ZYG11B: variants seen among roughly 807,000 people sequenced by gnomAD.
ZYG11B encodes zyg-11 family member B, cell cycle regulator.
ZYG11B carries 36 observed loss-of-function variants against 82.4 expected under a neutral mutation model. The ratio of observed to expected loss-of-function variants is 0.44; its 90% CI spans 0.33 to 0.58. ZYG11B has a LOEUF of 0.58. ZYG11B is among the 20% of genes least tolerant of loss of function. The pLI is 0.02. For synonymous variants in ZYG11B, 303 were observed against 312.8 expected (o/e 0.97, Z 0.33); for missense variants, 552 against 895.6 (o/e 0.62, Z 4.90).
chr1:52,813,964 T>A, intron 12 of ZYG11B, 52 bp downstream of exon 12: 1 of 1,556,262 alleles, frequency 6.4e-7, no homozygotes, highest in Non-Finnish European at 8.8e-7. Context: ...TAGAGATCAT[T>A]CCTAAGAGTC....
At chr1:52,765,843 C>A (rs1241160885) in intron 2 of ZYG11B, among the ~76,000 whole-genome samples, 1 of 152,104 alleles carries the variant, frequency 6.6e-6, no homozygotes, top group Non-Finnish European at 1.5e-5. Flanking sequence ...CTGTCTTTCT[C>A]CTGTCCTTGA....
In ZYG11B at chr1:52,796,407, C is replaced by T; in HGVS notation, c.1434+16C>T. Reference sequence around the variant, plus strand: ...GGCTGCCAAGGTACCTGAACTCTTGCTGAATAATTTTCTGTAGACAGCTGT... The same window carrying T: ...GGCTGCCAAGGTACCTGAACTCTTGTTGAATAATTTTCTGTAGACAGCTGT... On this transcript the variant is annotated intron_variant, in intron 7 of 13. Coordinates refer to ENST00000294353, the MANE Select transcript of ZYG11B (RefSeq NM_024646.3). 2.5e-6 allele frequency: 4 copies of T among 1,599,504 alleles called. No homozygotes were observed. The highest frequency in any genetic ancestry group is 3.4e-6 in the Non-Finnish European group (4 of 1,167,658).
intron 10 of ZYG11B, among the ~76,000 whole-genome samples, chr1:52,807,837 T>G (rs1039556587): frequency 9.2e-5 from 14 of 152,146 alleles, no homozygotes; most frequent in Non-Finnish European, 4.4e-5. Context: ...TTTCTTACAG[T>G]GTGGATCTGC....
At chr1:52,805,776 C>G (rs1645137144) in intron 10 of ZYG11B, among the ~76,000 whole-genome samples, 1 of 152,072 alleles carries the variant, frequency 6.6e-6, no homozygotes, top group African/African-American at 2.4e-5. Flanking sequence ...CTGCAGTGAA[C>G]CAAGATCACG....
intron 1 of ZYG11B, among the ~76,000 whole-genome samples, chr1:52,734,161 C>T (rs1003978823): frequency 5.3e-5 from 8 of 151,978 alleles, no homozygotes; most frequent in African/African-American, 1.9e-4. Flanking sequence ...GCATGCCCAG[C>T]TAATTTTTTT....
At chr1:52,796,966 TAA>T (rs1274924939) in intron 8 of ZYG11B, among the ~76,000 whole-genome samples, 182 bp downstream of exon 8, 3 of 80,580 alleles carry the variant, frequency 3.7e-5, no homozygotes, top group Non-Finnish European at 6.1e-5. Context: ...ATATTATATA[TAA>T]TATATATAAA....
chr1:52,793,726 A>ACAAT (rs1644978447), intron 6 of ZYG11B, among the ~76,000 whole-genome samples: 1 of 152,186 alleles, frequency 6.6e-6, no homozygotes, highest in Non-Finnish European at 1.5e-5. Flanking sequence ...AGACTAATGA[A>ACAAT]CAATCTGCTT....
intron 8 of ZYG11B, among the ~76,000 whole-genome samples, 184 bp downstream of exon 8, chr1:52,796,968 A>ATGTATAATTATATAT (rs1491205767): frequency 1.2e-5 from 1 of 84,166 alleles, no homozygotes; most frequent in Non-Finnish European, 1.9e-5. Context: ...ATTATATATA[A>ATGTATAATTATATAT]TATATATAAA....
intron 12 of ZYG11B, 36 bp from the exon 13 acceptor site, chr1:52,816,496 G>T: frequency 7.1e-7 from 1 of 1,406,858 alleles, no homozygotes; most frequent in Non-Finnish European, 9.9e-7. Context: ...GCTAAATATG[G>T]GATGTAACTT....
At chr1:52,741,153 C>T (rs12080498) in intron 1 of ZYG11B, among the ~76,000 whole-genome samples, 3,693 of 151,528 alleles carry the variant, frequency 0.024, 155 homozygotes, top group African/African-American at 0.085. Context: ...CAAAAAGTAG[C>T]CGGGTGTGGT....
intron 1 of ZYG11B, among the ~76,000 whole-genome samples, chr1:52,741,897 G>A (rs1286368901): frequency 6.6e-6 from 1 of 152,074 alleles, no homozygotes; most frequent in Non-Finnish European, 1.5e-5. Flanking sequence ...GGTAGAGGTG[G>A]CATTTTAATC....
At chr1:52,804,948 G>A (rs865929916) in intron 10 of ZYG11B, among the ~76,000 whole-genome samples, 33 of 151,708 alleles carry the variant, frequency 2.2e-4, no homozygotes, top group African/African-American at 7.0e-4. Context: ...AAAATTAGCC[G>A]GGCGTGGTGG....
chr1:52,793,849 T>C (rs1178806939), intron 6 of ZYG11B, among the ~76,000 whole-genome samples: 1 of 151,266 alleles, frequency 6.6e-6, no homozygotes, highest in South Asian at 2.1e-4. Context: ...CAGGTTTCTT[T>C]CTTTCTTCCT....
intron 6 of ZYG11B, among the ~76,000 whole-genome samples, chr1:52,793,972 T>C (rs1365577057): frequency 6.6e-6 from 1 of 151,580 alleles, no homozygotes; most frequent in African/African-American, 2.4e-5. Flanking sequence ...TCCTTTCATT[T>C]CTTCTTTCTT....
At chr1:52,774,609 ATTTTTTTT>A (rs35043109) in intron 3 of ZYG11B, among the ~76,000 whole-genome samples, 3 of 111,148 alleles carry the variant, frequency 2.7e-5, no homozygotes, top group African/African-American at 1.5e-4. Flanking sequence ...GCCTGGCCTA[ATTTTTTTT>A]TTTTTTTTTT....
chr1:52,787,210 G>A (rs1644920426), intron 5 of ZYG11B, among the ~76,000 whole-genome samples: 1 of 152,134 alleles, frequency 6.6e-6, no homozygotes, highest in Admixed American at 6.6e-5. Flanking sequence ...ATACTTAGAA[G>A]CAGTGAATGA....
intron 3 of ZYG11B, among the ~76,000 whole-genome samples, chr1:52,776,390 C>A (rs569504771): frequency 2.7e-5 from 4 of 149,746 alleles, no homozygotes; most frequent in South Asian, 2.1e-4. Flanking sequence ...AAAATTTAGC[C>A]GGGCATGGTG....
chr1:52,737,246 G>A (rs1644385479), intron 1 of ZYG11B, among the ~76,000 whole-genome samples: 1 of 152,140 alleles, frequency 6.6e-6, no homozygotes, highest in African/African-American at 2.4e-5. Flanking sequence ...GAAGGCTTTG[G>A]TTGCCTCCAG....
Position 52,796,312 on chromosome 1 carries a change from T to A in ZYG11B, c.1355T>A (p.Val452Asp). The part of the protein sequence containing the change: ...PFNRFEAAKL[V>D]MQWLCNHEDQ... ...TTCAGGTTTGAAGCAGCCAAGCTTG[T>A]CATGCAGTGGCTTTGCAACCATGAG... The change falls in exon 7 of 14, where the codon GTC becomes GAC. Residue 452 changes from valine to aspartate, a missense_variant. By Grantham distance (152) the Val-to-Asp change is radical. This residue lies in a region of ZYG11B where 359 missense variants were observed against 555.8 expected (regional missense o/e 0.65). Coordinates refer to ENST00000294353, the MANE Select transcript of ZYG11B (RefSeq NM_024646.3). 1 of 1,613,762 alleles carries A rather than the reference T, an allele frequency of 6.2e-7. No individual in the cohort carries two copies. Among genetic ancestry groups the A allele is most frequent in the Non-Finnish European group, 8.5e-7 (1 of 1,179,786 alleles).
Sources: gnomAD v4.1 joint callset for allele counts (sites outside exome capture counted in the v4.1 genomes callset) on GRCh38, gnomAD v4.1.1 for gene constraint, gnomAD v4.1.1 regional missense constraint, MANE v1.5 for transcripts, NCBI Gene and HGNC (gene_info 2026-07-23, HGNC 2026-07-21) for gene names.